The following FBXO28 variants were observed in gnomAD, a reference collection of about 807,000 sequenced individuals.
FBXO28 encodes F-box protein 28, also known as F-box only protein 28.
In FBXO28, 8 loss-of-function variants were observed where a neutral mutation model predicts 38.1. The observed-to-expected ratio is 0.21, with a 90% confidence interval of 0.12 to 0.38. FBXO28 has a LOEUF of 0.38. Ranked by LOEUF, FBXO28 falls within the 10% of genes least tolerant of loss-of-function variation. The pLI is 1.00. For synonymous variants in FBXO28, 168 were observed against 173.8 expected, an observed-to-expected ratio of 0.97 and a Z score of 0.26; for missense variants, 345 against 460.6, an observed-to-expected ratio of 0.75 and a Z score of 2.30.
At chr1:224,143,835 C>CAA (rs33965694) in intron 3 of FBXO28, among the ~76,000 whole-genome samples, 20,834 of 118,870 alleles carry the variant, frequency 0.18, 1,848 homozygotes, top group Middle Eastern at 0.24. Flanking sequence ...GACTCCATCT[C>CAA]AAAAAAAAAA....
At chr1:224,135,560 C>T (rs1657154689) in intron 3 of FBXO28, among the ~76,000 whole-genome samples, 1 of 131,026 alleles carries the variant, frequency 7.6e-6, no homozygotes, top group South Asian at 2.4e-4. Context: ...TGCACTGAGC[C>T]AAGATCACAC....
chr1:224,156,460 GA>G (rs1441751970), intron 4 of FBXO28, among the ~76,000 whole-genome samples: 3 of 152,160 alleles, frequency 2.0e-5, no homozygotes, highest in African/African-American at 7.2e-5. Flanking sequence ...CTTAGGACCA[GA>G]AGTGTTTCAG....
rs1302874813 is a variant in FBXO28 at position 224,161,977 on chromosome 1, A to G, written c.*4231A>G. On this transcript the variant is annotated 3_prime_UTR_variant, in exon 5 of 5. Transcript: ENST00000366862. ...GAATTTTAATTGTTATAACCGAATC[A>G]ATTATTGGAAAGTGAAAAACACCTC... 2.0e-5 allele frequency: 3 copies of G among 152,222 alleles called. No homozygotes were observed. The highest frequency in any genetic ancestry group is 1.3e-4 in the Admixed American group (2 of 15,282). 9.4% of individuals were successfully genotyped at this position (152,222 alleles called of 1,614,324 possible).
chr1:224,145,206 A>G (rs1376732760), intron 3 of FBXO28, among the ~76,000 whole-genome samples: 2 of 141,350 alleles, frequency 1.4e-5, no homozygotes, highest in Non-Finnish European at 3.0e-5. Context: ...AGGCAGGAGA[A>G]TCGCTTGAAC....
At chr1:224,127,863 C>T (rs756589758) in intron 1 of FBXO28, among the ~76,000 whole-genome samples, 4 of 152,144 alleles carry the variant, frequency 2.6e-5, no homozygotes, top group Admixed American at 6.6e-5. Flanking sequence ...ACCAAGATCA[C>T]GCCACTGCAC....
intron 2 of FBXO28, among the ~76,000 whole-genome samples, chr1:224,133,187 A>C (rs544615142): frequency 6.6e-6 from 1 of 152,192 alleles, no homozygotes; most frequent in Non-Finnish European, 1.5e-5. Flanking sequence ...GAGAAACAGA[A>C]AGTAGATTAG....
At chr1:224,135,177 A>C (rs6691405) in intron 3 of FBXO28, among the ~76,000 whole-genome samples, 2 of 151,966 alleles carry the variant, frequency 1.3e-5, no homozygotes, top group East Asian at 1.9e-4. Flanking sequence ...GTAGGGTGCT[A>C]TAAGAGGATG....
At chr1:224,140,302 T>C (rs59796677) in intron 3 of FBXO28, among the ~76,000 whole-genome samples, 2,111 of 152,258 alleles carry the variant, frequency 0.014, 53 homozygotes, top group African/African-American at 0.048. Context: ...TCATCACATA[T>C]TCCAATAATA....
chr1:224,121,219 T>C (rs1311313355), intron 1 of FBXO28, among the ~76,000 whole-genome samples: 1 of 152,152 alleles, frequency 6.6e-6, no homozygotes, highest in Non-Finnish European at 1.5e-5. Context: ...AAAATAATGG[T>C]ACAGATAATC....
intron 3 of FBXO28, among the ~76,000 whole-genome samples, chr1:224,134,954 C>T (rs944843339): frequency 2.0e-5 from 3 of 152,050 alleles, no homozygotes; most frequent in Admixed American, 6.6e-5. Flanking sequence ...TCTGAATGTT[C>T]GCTTTTTGTT....
At chr1:224,137,342 G>A (rs1657216526) in intron 3 of FBXO28, among the ~76,000 whole-genome samples, 2 of 151,512 alleles carry the variant, frequency 1.3e-5, no homozygotes, top group African/African-American at 4.9e-5. Context: ...GGCCAACATG[G>A]TGAAACCCCA....
Position 224,153,255 on chromosome 1 carries a change from C to T in FBXO28, c.630C>T (p.Tyr210=). 1 of 1,611,626 alleles carries T rather than the reference C, an allele frequency of 6.2e-7. No homozygotes were observed. Among genetic ancestry groups the T allele is most frequent in the Non-Finnish European group, 8.5e-7 (1 of 1,179,130 alleles). Residue 210 remains tyrosine (Y), a synonymous_variant, in exon 4 of 5, where the codon TAC becomes TAT. Coordinates refer to ENST00000366862, the MANE Select transcript of FBXO28 (RefSeq NM_015176.4). ...ATATATCCTCTATGGCAATGGAGTA[C>T]TTTGATGAAAAGATTGTTCCAATTT... is the stretch of plus-strand genomic sequence containing the variant. ...LRDISSMAME[Y]FDEKIVPILK...
At chr1:224,128,966 AC>A (rs1656969204) in intron 1 of FBXO28, among the ~76,000 whole-genome samples, 1 of 144,962 alleles carries the variant, frequency 6.9e-6, no homozygotes, top group South Asian at 2.3e-4. Context: ...AGCCTAGACA[AC>A]AGAGCAAGAC....
At chr1:224,116,445 G>C (rs539523191) in intron 1 of FBXO28, among the ~76,000 whole-genome samples, 1 of 152,008 alleles carries the variant, frequency 6.6e-6, no homozygotes, top group African/African-American at 2.4e-5. Flanking sequence ...AAAAATCAAG[G>C]GACTTTAGTG....
chr1:224,132,230 TGACAGAGCAA>T (rs1456032584), intron 2 of FBXO28, among the ~76,000 whole-genome samples: 2 of 151,990 alleles, frequency 1.3e-5, no homozygotes, highest in African/African-American at 2.4e-5. Context: ...CCAATCTGGG[TGACAGAGCAA>T]GACTCTGTCT....
rs201820347 is a variant in FBXO28 at position 224,157,342 on chromosome 1, T to A, written c.713-10T>A. The A allele has an allele frequency of 1.9e-6, 3 of 1,579,140 alleles. No homozygotes were observed. In the East Asian group the frequency reaches 6.7e-5, roughly 35 times the overall value. ...TAAGTGACTGACCCTTTTGAATTAT[T>A]CCTCCACAGTTCCAGGACCGTCTGC... On this transcript the variant is annotated splice_polypyrimidine_tract_variant and intron_variant, in intron 4 of 4. Transcript: ENST00000366862.
At chr1:224,128,225 C>CT (rs5781348) in intron 1 of FBXO28, among the ~76,000 whole-genome samples, 146,935 of 150,270 alleles carry the variant, frequency 0.98, 71,895 homozygotes, top group Middle Eastern at 1. Context: ...CTGTCCATGT[C>CT]TTTTTTTATT....
chr1:224,149,927 A>G (rs1284360528), intron 3 of FBXO28, among the ~76,000 whole-genome samples: 1 of 152,216 alleles, frequency 6.6e-6, no homozygotes, highest in Non-Finnish European at 1.5e-5. Context: ...AGCATGTGCA[A>G]AAGCCCTGGG....
At chr1:224,141,780 A>G (rs1383328209) in intron 3 of FBXO28, among the ~76,000 whole-genome samples, 3 of 152,226 alleles carry the variant, frequency 2.0e-5, no homozygotes, top group Non-Finnish European at 4.4e-5. Flanking sequence ...GGCATTTATC[A>G]TGAATGAAAC....
Sources: gnomAD v4.1 joint callset for allele counts (sites outside exome capture counted in the v4.1 genomes callset) on GRCh38, gnomAD v4.1.1 for gene constraint, MANE v1.5 for transcripts, NCBI Gene and HGNC (gene_info 2026-07-23, HGNC 2026-07-21) for gene names.